PCDHA5: variants seen among roughly 807,000 people sequenced by gnomAD.
PCDHA5 encodes the protein protocadherin alpha-5.
Under a neutral mutation model 61.6 loss-of-function variants are expected in PCDHA5, and 43 were observed. The observed-to-expected ratio is 0.70, with a 90% CI of 0.55 to 0.90. PCDHA5 has a LOEUF of 0.90. PCDHA5 is among the 40% of genes least tolerant of loss of function. The probability of loss-of-function intolerance (pLI) is 0.00; values close to 1 mark genes in which losing one functional copy is unlikely to be tolerated. For missense variants in PCDHA5, 1,298 were observed against 1,222.7 expected, an observed-to-expected ratio of 1.06 and a Z score of -0.92; for synonymous variants, 627 against 543.9, an observed-to-expected ratio of 1.15 and a Z score of -2.13.
chr5:140,976,505 C>A (rs538128648), intron 1 of PCDHA5, among the ~76,000 whole-genome samples: 1 of 152,004 alleles, frequency 6.6e-6, no homozygotes, highest in Non-Finnish European at 1.5e-5. Flanking sequence ...GAGCCAAGAT[C>A]GCGCCACTGC....
At chr5:140,963,659 A>G (rs1474288889) in intron 1 of PCDHA5, among the ~76,000 whole-genome samples, 3 of 152,222 alleles carry the variant, frequency 2.0e-5, no homozygotes. Context: ...TTGATTTCCT[A>G]TATGGCATAG....
rs200097598 is a variant in PCDHA5 at position 140,842,988 on chromosome 5, T to C, written c.2352+18861T>C. On this transcript the variant is annotated intron_variant, in intron 1 of 3. Coordinates refer to ENST00000529859, the MANE Select transcript of PCDHA5 (RefSeq NM_018908.3). ...AACGTGACGCTGCAGGTGTTCGTGC[T>C]GGACGAGAATGACAACGCGCCGGCA... 2.2e-4 allele frequency: 358 copies of C among 1,595,006 alleles called. 36 individuals are homozygous for C. Among genetic ancestry groups the C allele is most frequent in the Non-Finnish European group, 2.9e-4 (341 of 1,165,496 alleles).
At chr5:140,829,777 G>A (rs2150174439) in intron 1 of PCDHA5, 2 of 1,613,742 alleles carry the variant, frequency 1.2e-6, no homozygotes, top group Non-Finnish European at 8.5e-7. Flanking sequence ...ACGACAACGC[G>A]CCGGCGCTGC....
rs571779587 is a variant in PCDHA5 at position 140,961,550 on chromosome 5, C to CT, written c.2353-17392dup. 1.8e-3 allele frequency among the ~76,000 whole-genome samples: 273 copies of CT among 152,148 alleles called. 1 individual carries two copies. Among genetic ancestry groups the CT allele is most frequent in the Middle Eastern group, 3.4e-3 (1 of 294 alleles). ...TAGATAGACTGTTCCTGCAGCATTT[C>CT]TTTTTTTAAATTTTGTTTTGATAAG... On this transcript the variant is annotated intron_variant, in intron 1 of 3. Transcript: ENST00000529859.
intron 1 of PCDHA5, chr5:140,869,468 A>T (rs1221686748): frequency 1.9e-5 from 31 of 1,614,054 alleles, no homozygotes; most frequent in Non-Finnish European, 2.6e-5. Flanking sequence ...GTGAACGTGG[A>T]GGTGAAGGAC....
intron 1 of PCDHA5, chr5:140,867,034 G>C (rs1398561687): frequency 6.6e-6 from 1 of 152,106 alleles, no homozygotes; most frequent in Non-Finnish European, 1.5e-5. Context: ...ACTCTTTTAT[G>C]ACTTGGCGTT....
chr5:140,857,873 G>C, intron 1 of PCDHA5: 1 of 1,597,876 alleles, frequency 6.3e-7, no homozygotes, highest in Non-Finnish European at 8.6e-7. Flanking sequence ...GCTGTCGTAT[G>C]AATTGCAGTC....
At chr5:140,835,807 T>C in intron 1 of PCDHA5, 1 of 1,612,998 alleles carries the variant, frequency 6.2e-7, no homozygotes, top group East Asian at 2.2e-5. Flanking sequence ...TGCCACATCT[T>C]CACTGTGTCG....
intron 1 of PCDHA5, among the ~76,000 whole-genome samples, chr5:140,935,116 C>T (rs2090194943): frequency 6.6e-6 from 1 of 152,126 alleles, no homozygotes; most frequent in Non-Finnish European, 1.5e-5. Flanking sequence ...AGAGCTTTCA[C>T]TTATTTTTAG....
At chr5:140,927,142 G>T (rs781883795) in intron 1 of PCDHA5, 1 of 1,614,128 alleles carries the variant, frequency 6.2e-7, no homozygotes, top group South Asian at 1.1e-5. Context: ...GGCGGACCGC[G>T]AACAGCTGTG....
At chr5:140,861,746 A>G (rs1163368847) in intron 1 of PCDHA5, 1 of 145,142 alleles carries the variant, frequency 6.9e-6, no homozygotes, top group African/African-American at 2.8e-5. Context: ...ACTGTGCCGC[A>G]ATGATTATTT....
intron 1 of PCDHA5, among the ~76,000 whole-genome samples, chr5:140,922,677 G>C (rs545719033): frequency 6.6e-6 from 1 of 152,306 alleles, no homozygotes; most frequent in Admixed American, 6.5e-5. Flanking sequence ...CAGTAAAAAA[G>C]TGAACAGGCT....
intron 1 of PCDHA5, chr5:140,857,521 CTCTCT>C: frequency 6.3e-7 from 1 of 1,598,106 alleles, no homozygotes; most frequent in Non-Finnish European, 8.6e-7. Flanking sequence ...TGGTGTCCTA[CTCTCT>C]GGTGGAGCGG....
chr5:140,893,693 T>G (rs868968555), intron 1 of PCDHA5, among the ~76,000 whole-genome samples: 43 of 152,366 alleles, frequency 2.8e-4, no homozygotes, highest in Middle Eastern at 3.4e-3. Context: ...CATCTCATTC[T>G]ATCCTAGCCT....
At chr5:140,879,180 G>C (rs1459369751) in intron 1 of PCDHA5, among the ~76,000 whole-genome samples, 14 of 152,206 alleles carry the variant, frequency 9.2e-5, no homozygotes, top group African/African-American at 3.4e-4. Context: ...TAGGTATCAA[G>C]TAATGGAGAC....
chr5:140,871,799 T>C (rs1183689356), intron 1 of PCDHA5, among the ~76,000 whole-genome samples: 2 of 152,196 alleles, frequency 1.3e-5, no homozygotes, highest in Non-Finnish European at 2.9e-5. Context: ...AAATAATTAC[T>C]ATTTTCACTA....
chr5:140,927,042 G>T (rs548394870), intron 1 of PCDHA5: 7 of 1,612,270 alleles, frequency 4.3e-6, no homozygotes, highest in Non-Finnish European at 4.2e-6. Context: ...CGGCCGCTAT[G>T]TCCTCGCGGA....
intron 3 of PCDHA5, among the ~76,000 whole-genome samples, chr5:140,996,311 G>T (rs191577867): frequency 2.6e-5 from 4 of 152,184 alleles, no homozygotes; most frequent in African/African-American, 7.2e-5. Context: ...ACAAAGTAAG[G>T]GGGGAGGGTA....
chr5:140,976,190 C>T (rs1402016343), intron 1 of PCDHA5, among the ~76,000 whole-genome samples: 17 of 152,040 alleles, frequency 1.1e-4, no homozygotes, highest in African/African-American at 4.1e-4. Context: ...AATCAATATC[C>T]TGGAAACTCA....
Sources: gnomAD v4.1 joint callset for allele counts (sites outside exome capture counted in the v4.1 genomes callset) on GRCh38, gnomAD v4.1.1 for gene constraint, MANE v1.5 for transcripts, NCBI Gene and HGNC (gene_info 2026-07-23, HGNC 2026-07-21) for gene names.